The following NECTIN1 variants were observed in gnomAD, a reference collection of about 807,000 sequenced individuals.
NECTIN1 encodes nectin cell adhesion molecule 1, also known as nectin-1.
A neutral mutation model predicts 48.0 loss-of-function variants in NECTIN1; 23 were observed. The observed-to-expected ratio is 0.48, with a 90% CI of 0.34 to 0.68. The LOEUF (loss-of-function observed/expected upper bound fraction) is 0.68. Among genes scored for constraint, NECTIN1 ranks in the 30% least tolerant of loss-of-function variants. NECTIN1 has a pLI of 0.01. For synonymous variants in NECTIN1, 270 were observed against 288.9 expected (o/e 0.93, Z 0.66); for missense variants, 591 against 709.9 (o/e 0.83, Z 1.90).
Position 119,677,641 on chromosome 11 carries a change from C to G in NECTIN1, c.647G>C (p.Ser216Thr). 6.2e-7 allele frequency: 1 copy of G among 1,613,984 alleles called. No homozygotes were observed. Among genetic ancestry groups the G allele is most frequent in the South Asian group, 1.1e-5 (1 of 91,076 alleles). The part of the protein sequence containing the change: ...TVISRYRLVP[S>T]REAHQQSLAC... ...CAAGGACTGCTGGTGGGCTTCCCTGCTGGGCACCAGGCGGTAGCGGCTGAT... is the reference window on the plus strand; with the variant it reads ...CAAGGACTGCTGGTGGGCTTCCCTGGTGGGCACCAGGCGGTAGCGGCTGAT... Residue 216 changes from serine (S) to threonine (T), a missense_variant, in exon 3 of 6, where the codon AGC (serine) becomes ACC (threonine). Physicochemically the swap from Ser to Thr is moderately conservative, Grantham distance 58. Coordinates refer to ENST00000264025, the MANE Select transcript of NECTIN1 (RefSeq NM_002855.5). The surrounding 1 kb of genome is among the most constrained non-coding windows in gnomAD (Gnocchi z 5.4).
chr11:119,646,827 C>T (rs1466898188), intron 5 of NECTIN1, among the ~76,000 whole-genome samples: 1 of 152,206 alleles, frequency 6.6e-6, no homozygotes, highest in Non-Finnish European at 1.5e-5. Context: ...TCACTCAAAC[C>T]CTTTGAGCCT....
At chr11:119,668,997 T>C (rs1864822853) in intron 5 of NECTIN1, among the ~76,000 whole-genome samples, 1 of 152,228 alleles carries the variant, frequency 6.6e-6, no homozygotes, top group Non-Finnish European at 1.5e-5. Flanking sequence ...CTCTCCTACA[T>C]CTTCCTCAAC....
At chr11:119,692,096 G>T (rs1865264694) in intron 1 of NECTIN1, among the ~76,000 whole-genome samples, 2 of 65,146 alleles carry the variant, frequency 3.1e-5, no homozygotes, top group Non-Finnish European at 5.9e-5. Context: ...TCGAGAGTGG[G>T]GTCTTTCCCA....
intron 1 of NECTIN1, among the ~76,000 whole-genome samples, chr11:119,691,519 T>G (rs1245207052): frequency 6.6e-6 from 1 of 152,234 alleles, no homozygotes; most frequent in Non-Finnish European, 1.5e-5. Flanking sequence ...CTGCCCACTC[T>G]CTGCCTTGCT....
chr11:119,722,009 G>A (rs945658602), intron 1 of NECTIN1, among the ~76,000 whole-genome samples: 13 of 152,178 alleles, frequency 8.5e-5, no homozygotes, highest in East Asian at 3.9e-4. Flanking sequence ...GTGGAGGACC[G>A]TCCCATGGAC....
At chr11:119,667,355 T>G (rs913834373) in intron 5 of NECTIN1, among the ~76,000 whole-genome samples, 2 of 151,978 alleles carry the variant, frequency 1.3e-5, no homozygotes. Context: ...TCTTCATCCA[T>G]CCCTCCCATC....
intron 5 of NECTIN1, 140 bp downstream of exon 5, chr11:119,675,019 A>C: frequency 9.0e-7 from 1 of 1,107,478 alleles, no homozygotes; most frequent in Non-Finnish European, 1.3e-6. Context: ...AAGCAAAACC[A>C]ATGGCCAGAG....
chr11:119,680,032 T>C (rs1865031131), intron 1 of NECTIN1, among the ~76,000 whole-genome samples: 1 of 152,222 alleles, frequency 6.6e-6, no homozygotes. Context: ...CAGTGCCCAG[T>C]GCAGCATCTG....
chr11:119,726,691 A>G (rs1417373149), intron 1 of NECTIN1, among the ~76,000 whole-genome samples: 2 of 152,138 alleles, frequency 1.3e-5, no homozygotes, highest in African/African-American at 4.8e-5. Context: ...TAACAAAAGG[A>G]AGGAGAATAG....
intron 5 of NECTIN1, 135 bp downstream of exon 5, chr11:119,675,024 C>T: frequency 8.8e-7 from 1 of 1,140,986 alleles, no homozygotes; most frequent in South Asian, 1.4e-5. Flanking sequence ...AAACCAATGG[C>T]CAGAGCTCAA....
intron 5 of NECTIN1, among the ~76,000 whole-genome samples, chr11:119,648,013 G>A (rs1864420200): frequency 7.9e-6 from 1 of 125,958 alleles, no homozygotes; most frequent in Non-Finnish European, 1.6e-5. Flanking sequence ...GCAGTGAGCT[G>A]AGATCGTGCC....
chr11:119,719,811 G>T (rs1049236065), intron 1 of NECTIN1, among the ~76,000 whole-genome samples: 3 of 152,220 alleles, frequency 2.0e-5, no homozygotes, highest in African/African-American at 7.2e-5. Flanking sequence ...GAGAGTAATT[G>T]TTGGCAGGGG....
At chr11:119,695,200 GTCCCCGGTCGCTCTCCACTGCCTT>G (rs1865322442) in intron 1 of NECTIN1, among the ~76,000 whole-genome samples, 1 of 152,084 alleles carries the variant, frequency 6.6e-6, no homozygotes, top group Non-Finnish European at 1.5e-5. Flanking sequence ...TGTTACACAA[GTCCCCGGTCGCTCTCCACTGCCTT>G]GGGGTAAATC....
chr11:119,720,944 C>T (rs774140919), intron 1 of NECTIN1, among the ~76,000 whole-genome samples: 53 of 152,146 alleles, frequency 3.5e-4, no homozygotes, highest in Non-Finnish European at 6.3e-4. Flanking sequence ...TTTCAGCCAT[C>T]GGTGAAACTC....
intron 1 of NECTIN1, among the ~76,000 whole-genome samples, chr11:119,690,656 G>A (rs1046148355): frequency 2.6e-5 from 4 of 152,204 alleles, no homozygotes; most frequent in East Asian, 1.9e-4. Context: ...GCAAAACCCC[G>A]GCCCTGTGTT....
At chr11:119,645,726 C>T (rs1370713840) in intron 5 of NECTIN1, among the ~76,000 whole-genome samples, 4 of 152,160 alleles carry the variant, frequency 2.6e-5, no homozygotes, top group African/African-American at 9.7e-5. Flanking sequence ...GGCTGGCTGC[C>T]GCACCGTCAC....
intron 5 of NECTIN1, among the ~76,000 whole-genome samples, chr11:119,668,871 T>C (rs142743376): frequency 1.3e-5 from 2 of 152,342 alleles, no homozygotes; most frequent in African/African-American, 4.8e-5. Context: ...TTTGAGGAAG[T>C]GGCAGCCTCA....
intron 1 of NECTIN1, among the ~76,000 whole-genome samples, chr11:119,697,944 C>T (rs1470769463): frequency 2.0e-5 from 3 of 152,248 alleles, no homozygotes; most frequent in East Asian, 3.8e-4. Flanking sequence ...CGGTGTCCTG[C>T]CCAGCCTGAG....
In NECTIN1 at chr11:119,684,455, G is replaced by T. The variant is rs1361688255; in HGVS notation, c.80-5690C>A. 6.6e-6 allele frequency among the ~76,000 whole-genome samples: 1 copy of T among 152,212 alleles called. No homozygotes were observed. The highest frequency in any genetic ancestry group is 1.5e-5 in the Non-Finnish European group (1 of 68,040). On this transcript the variant is annotated intron_variant, in intron 1 of 5. Coordinates refer to ENST00000264025, the MANE Select transcript of NECTIN1 (RefSeq NM_002855.5). The surrounding 1 kb of genome is among the most constrained non-coding windows in gnomAD (Gnocchi z 5.2). ...CCGCCATAAGGGCCTCTGTGAAATCGATATCCTTCGGGATGCATTTCTAGG... is the reference window on the plus strand; with the variant it reads ...CCGCCATAAGGGCCTCTGTGAAATCTATATCCTTCGGGATGCATTTCTAGG...
Sources: allele counts gnomAD v4.1 joint callset (sites outside exome capture counted in the v4.1 genomes callset), GRCh38; gene constraint gnomAD v4.1.1; non-coding constraint Gnocchi (gnomAD v3.1); transcripts MANE v1.5; gene names NCBI Gene and HGNC (gene_info 2026-07-23, HGNC 2026-07-21).